MYO9A: variants seen among roughly 807,000 people sequenced by gnomAD.
MYO9A encodes myosin IXA.
MYO9A carries 103 observed loss-of-function variants against 293.3 expected under a neutral mutation model. That is an observed-to-expected ratio of 0.35 (90% CI 0.30 to 0.41). The LOEUF (loss-of-function observed/expected upper bound fraction) is 0.41, where lower values mean the gene tolerates loss of function less well. MYO9A is among the 10% of genes least tolerant of loss of function. MYO9A has a pLI of 1.00. For synonymous variants in MYO9A, 1,001 were observed against 1,035.7 expected, an observed-to-expected ratio of 0.97 and a Z score of 0.64; for missense variants, 2,685 against 3,033.0, an observed-to-expected ratio of 0.89 and a Z score of 2.69.
At chr15:72,094,993 G>A (rs1193898142) in intron 1 of MYO9A, among the ~76,000 whole-genome samples, 1 of 91,284 alleles carries the variant, frequency 1.1e-5, no homozygotes, top group Non-Finnish European at 3.3e-5. Context: ...CTTTCTTCTC[G>A]TTGGGCCTCA....
intron 1 of MYO9A, among the ~76,000 whole-genome samples, chr15:72,080,612 T>G (rs1049080225): frequency 2.8e-5 from 4 of 141,942 alleles, no homozygotes; most frequent in South Asian, 2.1e-4. Context: ...ACTTTTTGGG[T>G]TTTTTTTTTA....
chr15:71,888,124 A>C lies in MYO9A; in HGVS notation c.5143-8T>G. On this transcript the variant is annotated splice_region_variant and splice_polypyrimidine_tract_variant and intron_variant, in intron 26 of 41. Coordinates refer to ENST00000356056, the MANE Select transcript of MYO9A (RefSeq NM_006901.4). Reference sequence around the variant, plus strand: ...CGAAAATCGCTGTGATGTCTGTAATAATTACATATGTGAAAGATTTAATGC... The same window carrying C: ...CGAAAATCGCTGTGATGTCTGTAATCATTACATATGTGAAAGATTTAATGC... 2.0e-6 allele frequency: 3 copies of C among 1,486,608 alleles called. No individual in the cohort carries two copies. The highest frequency in any genetic ancestry group is 2.8e-6 in the Non-Finnish European group (3 of 1,070,804). The allele number at this position is 1,486,608 out of a possible 1,614,324, so 92.1% of individuals were successfully genotyped here.
chr15:71,823,077 C>G lies in MYO9A; in HGVS notation c.*3503G>C, dbSNP rs769642105. 6.6e-6 allele frequency: 1 copy of G among 151,626 alleles called. No individual in the cohort carries two copies. The highest frequency in any genetic ancestry group is 1.5e-5 in the Non-Finnish European group (1 of 67,944). The allele number at this position is 151,626 out of a possible 1,614,324, so 9.4% of individuals were successfully genotyped here. ...TGTCCATACAGAATGATGCATGCCC[C>G]GCATCCAGCTTCCCACCAAGAAGAA... On this transcript the variant is annotated 3_prime_UTR_variant, in exon 42 of 42. Transcript: ENST00000356056.
intron 11 of MYO9A, among the ~76,000 whole-genome samples, chr15:71,980,748 C>T (rs553499581): frequency 5.3e-5 from 8 of 152,222 alleles, no homozygotes; most frequent in Middle Eastern, 3.4e-3. Context: ...TGAGGCAAGA[C>T]GACCTCTTGA....
At position 71,824,164 on chromosome 15, in the gene MYO9A, T is replaced by C. The variant is rs1419134772; in HGVS notation, c.*2416A>G. ...CCACCCCAATCCTGGCAGATTAAAT[T>C]ACTAGAAATCCACAAATCTAGCAAC... On this transcript the variant is annotated 3_prime_UTR_variant, in exon 42 of 42. Transcript: ENST00000356056. The C allele has an allele frequency of 6.6e-6, 1 of 152,178 alleles. No homozygotes were observed. The highest frequency in any genetic ancestry group is 1.5e-5 in the Non-Finnish European group (1 of 68,018). The allele number at this position is 152,178 out of a possible 1,614,324, so 9.4% of individuals were successfully genotyped here. A position where few individuals can be genotyped will look rare whatever the true frequency, so the allele number is the denominator to read the frequency against.
chr15:71,887,776 C>T (rs1272563692), intron 27 of MYO9A, among the ~76,000 whole-genome samples: 1 of 152,210 alleles, frequency 6.6e-6, no homozygotes, highest in East Asian at 1.9e-4. Context: ...CAACTATGAA[C>T]TTATGAGGGT....
At chr15:71,978,897 T>C (rs1240789256) in intron 11 of MYO9A, among the ~76,000 whole-genome samples, 2 of 152,160 alleles carry the variant, frequency 1.3e-5, no homozygotes, top group East Asian at 3.8e-4. Context: ...TTCTTTCCTG[T>C]ATGGAGATAT....
intron 1 of MYO9A, among the ~76,000 whole-genome samples, chr15:72,069,464 A>G (rs1298098798): frequency 6.6e-6 from 1 of 152,230 alleles, no homozygotes; most frequent in African/African-American, 2.4e-5. Context: ...AAAAATTCAA[A>G]ATGTTTGTTG....
At position 71,854,525 on chromosome 15, in the gene MYO9A, G is replaced by C; in HGVS notation, c.6198C>G (p.Ser2066=). ...CAGTTCGGTCTTCACTGGTCAAACG[G>C]GACAGTTCAACCCCAAATTGTCGAG... ...LSSRQFGVEL[S]RLTSEDRTVP... is the part of the protein sequence containing the mutation. The change falls in exon 35 of 42, where the codon TCC becomes TCG. Residue 2066 remains serine (S), a synonymous_variant. Transcript: ENST00000356056. 6.2e-7 allele frequency: 1 copy of C among 1,609,330 alleles called. No individual in the cohort carries two copies. Among genetic ancestry groups the C allele is most frequent in the Non-Finnish European group, 8.5e-7 (1 of 1,178,142 alleles).
At chr15:71,971,779 T>C (rs544394690) in intron 12 of MYO9A, among the ~76,000 whole-genome samples, 1 of 150,450 alleles carries the variant, frequency 6.6e-6, no homozygotes, top group Admixed American at 6.6e-5. Context: ...ACAGTTGTGA[T>C]ATTATAAATA....
At chr15:71,887,882 A>G in intron 27 of MYO9A, 122 bp downstream of exon 27, 1 of 507,378 alleles carries the variant, frequency 2.0e-6, no homozygotes, top group Non-Finnish European at 3.4e-6. Flanking sequence ...AAATTGGTAA[A>G]TAAGTTTAAT....
intron 1 of MYO9A, among the ~76,000 whole-genome samples, chr15:72,100,813 C>T (rs1039382606): frequency 2.6e-5 from 4 of 151,464 alleles, no homozygotes; most frequent in Admixed American, 2.0e-4. Flanking sequence ...GCAGCCACCC[C>T]GTCTGGGAAG....
At chr15:72,043,697 G>C (rs749531679) in intron 2 of MYO9A, among the ~76,000 whole-genome samples, 6 of 152,154 alleles carry the variant, frequency 3.9e-5, no homozygotes, top group Non-Finnish European at 7.4e-5. Flanking sequence ...TGGGCTGAGA[G>C]GAGCGTGAAA....
intron 39 of MYO9A, chr15:71,847,494 A>G (rs1168956940): frequency 2.2e-6 from 1 of 451,764 alleles, no homozygotes; most frequent in South Asian, 1.6e-5. Context: ...CATGAAAAGG[A>G]AAGCAGAAGG....
chr15:71,874,144 ACAGT>A (rs1465536864), intron 32 of MYO9A, among the ~76,000 whole-genome samples: 3 of 152,248 alleles, frequency 2.0e-5, no homozygotes, highest in African/African-American at 7.2e-5. Context: ...AATCTATAAA[ACAGT>A]CAGATCGCAC....
chr15:72,037,740 T>C (rs1441547950), intron 2 of MYO9A, among the ~76,000 whole-genome samples: 1 of 152,128 alleles, frequency 6.6e-6, no homozygotes, highest in Non-Finnish European at 1.5e-5. Flanking sequence ...AAATCTCATT[T>C]TGAGGTGCCA....
rs1397659023 is a variant in MYO9A, at chr15:71,823,671, A to G, written c.*2909T>C. The stretch of plus-strand genomic sequence containing the variant: ...TCTCTGCTTTTGTTACATTTTCCAT[A>G]ATAAGTACATACTAAATTACAGGGA... On this transcript the variant is annotated 3_prime_UTR_variant, in exon 42 of 42. Transcript: ENST00000356056. 1 of 152,214 alleles carries G rather than the reference A, an allele frequency of 6.6e-6. No individual in the cohort carries two copies. The highest frequency in any genetic ancestry group is 1.5e-5 in the Non-Finnish European group (1 of 68,046). The allele number at this position is 152,214 out of a possible 1,614,324, so 9.4% of individuals were successfully genotyped here.
At chr15:71,835,397 G>A (rs532855751) in intron 39 of MYO9A, among the ~76,000 whole-genome samples, 9 of 152,156 alleles carry the variant, frequency 5.9e-5, no homozygotes, top group African/African-American at 2.2e-4. Context: ...AAATCCAAAG[G>A]AGTCCACAGA....
At chr15:72,085,690 A>G (rs1470279196) in intron 1 of MYO9A, among the ~76,000 whole-genome samples, 2 of 152,222 alleles carry the variant, frequency 1.3e-5, no homozygotes, top group African/African-American at 2.4e-5. Flanking sequence ...TGGAGAAAAG[A>G]AGGCACTCTG....
Sources: gnomAD v4.1 joint callset for allele counts (sites outside exome capture counted in the v4.1 genomes callset) on GRCh38, gnomAD v4.1.1 for gene constraint, MANE v1.5 for transcripts, NCBI Gene and HGNC (gene_info 2026-07-23, HGNC 2026-07-21) for gene names.